OMA1: variants seen among roughly 807,000 people sequenced by gnomAD.
OMA1 encodes metalloendopeptidase OMA1, mitochondrial.
Under a neutral mutation model 30.9 loss-of-function variants are expected in OMA1, and 38 were observed. The observed-to-expected ratio is 1.23, with a 90% CI of 0.95 to 1.61. OMA1 has a LOEUF of 1.61. Ranked by LOEUF, OMA1 falls within the 40% of genes most tolerant of loss-of-function variation. The pLI, the probability that OMA1 is intolerant of heterozygous loss-of-function variation, is 0.00. For missense variants in OMA1, 461 were observed against 349.2 expected (o/e 1.32, Z -2.55); for synonymous variants, 173 against 121.9 (o/e 1.42, Z -2.76).
intron 7 of OMA1, among the ~76,000 whole-genome samples, chr1:58,513,736 T>A (rs1646117630): frequency 6.6e-6 from 1 of 152,232 alleles, no homozygotes; most frequent in Non-Finnish European, 1.5e-5. Context: ...GGCATTGTTT[T>A]AAGTGTATTA....
chr1:58,510,602 C>T (rs1480241698), intron 7 of OMA1, among the ~76,000 whole-genome samples: 1 of 152,050 alleles, frequency 6.6e-6, no homozygotes, highest in African/African-American at 2.4e-5. Context: ...CTCTTCAATA[C>T]AGCACTGGGA....
At chr1:58,500,507 T>A (rs1027681739) in intron 8 of OMA1, among the ~76,000 whole-genome samples, 6 of 152,154 alleles carry the variant, frequency 3.9e-5, no homozygotes, top group Non-Finnish European at 8.8e-5. Flanking sequence ...CCTGAAAGTA[T>A]AAAGGATTCA....
chr1:58,534,192 A>C lies in OMA1; in HGVS notation c.869T>G (p.Val290Gly). The C allele has an allele frequency of 1.1e-6, 1 of 871,882 alleles. No individual in the cohort carries two copies. The highest frequency in any genetic ancestry group is 2.0e-6 in the Non-Finnish European group (1 of 501,438). The allele number at this position is 871,882 out of a possible 1,614,324, so 54.0% of individuals were successfully genotyped here. The change falls in exon 4 of 9, where the codon GTT (valine) becomes GGT (glycine). Residue 290 changes from valine (V) to glycine (G), a missense_variant. Transcript: ENST00000371226. ...GAAGGCATTAATAATTGGGGAATCA[A>C]CCACATGAATAACCCAATTGATCTG... ...ISQINWVIHV[V>G]DSPIINAFVL...
chr1:58,529,020 A>G (rs2100469424), intron 6 of OMA1, among the ~76,000 whole-genome samples: 1 of 152,350 alleles, frequency 6.6e-6, no homozygotes, highest in African/African-American at 2.4e-5. Flanking sequence ...CTATAGATAG[A>G]TCAGGAAAAT....
chr1:58,513,600 A>T (rs1458033865), intron 7 of OMA1, among the ~76,000 whole-genome samples: 3 of 152,216 alleles, frequency 2.0e-5, no homozygotes, highest in Non-Finnish European at 1.5e-5. Context: ...CTTTGGTCCT[A>T]GAATATTTTT....
intron 8 of OMA1, among the ~76,000 whole-genome samples, chr1:58,497,214 G>A (rs1346518667): frequency 1.3e-5 from 2 of 151,798 alleles, no homozygotes; most frequent in Non-Finnish European, 2.9e-5. Flanking sequence ...TCAATGACAA[G>A]TTTTAAAACA....
At chr1:58,537,973 G>A (rs535658278) in intron 2 of OMA1, among the ~76,000 whole-genome samples, 20 of 152,280 alleles carry the variant, frequency 1.3e-4, no homozygotes, top group African/African-American at 4.3e-4. Flanking sequence ...TGGGATGAGC[G>A]TATTACTTCA....
At chr1:58,527,025 A>G (rs1225198490) in intron 7 of OMA1, among the ~76,000 whole-genome samples, 5 of 152,158 alleles carry the variant, frequency 3.3e-5, no homozygotes, top group Admixed American at 3.3e-4. Flanking sequence ...CTATAATCTT[A>G]TGGATTCTGT....
intron 8 of OMA1, among the ~76,000 whole-genome samples, chr1:58,502,024 C>G (rs1645915256): frequency 6.6e-6 from 1 of 151,976 alleles, no homozygotes; most frequent in African/African-American, 2.4e-5. Flanking sequence ...ATTTATTTCA[C>G]ATCACCTACA....
intron 8 of OMA1, 149 bp downstream of exon 8, chr1:58,505,911 C>A: frequency 1.9e-6 from 1 of 516,968 alleles, no homozygotes; most frequent in Non-Finnish European, 3.3e-6. Context: ...GCTTTTCAGT[C>A]AAATTCTGTG....
chr1:58,533,702 G>A (rs532024732), intron 5 of OMA1, among the ~76,000 whole-genome samples: 7 of 152,192 alleles, frequency 4.6e-5, no homozygotes, highest in African/African-American at 1.7e-4. Flanking sequence ...GAATAATTAC[G>A]TTTTAGCAAA....
chr1:58,537,744 G>C (rs1646539741), intron 2 of OMA1, among the ~76,000 whole-genome samples: 1 of 152,144 alleles, frequency 6.6e-6, no homozygotes, highest in Admixed American at 6.5e-5. Flanking sequence ...TTTACACAAA[G>C]TGTGTCCATT....
chr1:58,507,173 A>C (rs1397385599), intron 7 of OMA1, among the ~76,000 whole-genome samples: 1 of 151,906 alleles, frequency 6.6e-6, no homozygotes. Context: ...ATATTTTATT[A>C]ATTTGTTCAA....
intron 7 of OMA1, among the ~76,000 whole-genome samples, chr1:58,517,256 T>C (rs1646171790): frequency 6.6e-6 from 1 of 152,184 alleles, no homozygotes; most frequent in South Asian, 2.1e-4. Flanking sequence ...AGGTGTAAAA[T>C]CCTTAAAATT....
At position 58,505,326 on chromosome 1, in the gene OMA1, G is replaced by A. The variant is rs186220377; in HGVS notation, c.1365+734C>T. On this transcript the variant is annotated intron_variant, in intron 8 of 8. Coordinates refer to ENST00000371226, the MANE Select transcript of OMA1 (RefSeq NM_145243.5). ...TTCTTAAATTGCTAAAAAATGTTCC[G>A]CTTTCATAACAAGCCACCAAATTTA... Among the ~76,000 whole-genome samples the A allele has an allele frequency of 2.6e-5, 4 of 152,242 alleles. No homozygotes were observed. In the East Asian group the frequency reaches 5.8e-4, roughly 22 times the overall value.
intron 3 of OMA1, among the ~76,000 whole-genome samples, chr1:58,535,030 G>A (rs1324852369): frequency 6.6e-6 from 1 of 152,080 alleles, no homozygotes; most frequent in Non-Finnish European, 1.5e-5. Context: ...GCATTGAACA[G>A]AAAAACACCC....
intron 7 of OMA1, among the ~76,000 whole-genome samples, chr1:58,513,090 C>T (rs1485652359): frequency 2.6e-5 from 4 of 152,174 alleles, no homozygotes; most frequent in African/African-American, 9.7e-5. Flanking sequence ...GTCATCCAAA[C>T]TGTAATCCCC....
intron 8 of OMA1, among the ~76,000 whole-genome samples, chr1:58,491,000 G>C (rs1240588596): frequency 6.6e-6 from 1 of 151,154 alleles, no homozygotes; most frequent in Non-Finnish European, 1.5e-5. Flanking sequence ...GTAGAGACGG[G>C]GTTTCACCAT....
chr1:58,545,337 A>G (rs11207254), intron 1 of OMA1, among the ~76,000 whole-genome samples: 1 of 151,916 alleles, frequency 6.6e-6, no homozygotes, highest in African/African-American at 2.4e-5. Flanking sequence ...CTACGCATAT[A>G]TAATTAAAAC....
Sources: gnomAD v4.1 joint callset for allele counts (sites outside exome capture counted in the v4.1 genomes callset) on GRCh38, gnomAD v4.1.1 for gene constraint, MANE v1.5 for transcripts, NCBI Gene and HGNC (gene_info 2026-07-23, HGNC 2026-07-21) for gene names.